MAST4: variants seen among roughly 807,000 people sequenced by gnomAD.
MAST4 encodes microtubule-associated serine/threonine-protein kinase 4.
In MAST4, 89 loss-of-function variants were observed where a neutral mutation model predicts 162.7. That is an observed-to-expected ratio of 0.55 (90% CI 0.46 to 0.65). The LOEUF is 0.65. Among genes scored for constraint, MAST4 ranks in the 30% least tolerant of loss-of-function variants. The probability of loss-of-function intolerance (pLI) is 0.00; values close to 1 mark genes in which losing one functional copy is unlikely to be tolerated. For missense variants in MAST4, 3,153 were observed against 3,374.0 expected, an observed-to-expected ratio of 0.93 and a Z score of 1.62; for synonymous variants, 1,479 against 1,361.1, an observed-to-expected ratio of 1.09 and a Z score of -1.91.
intron 3 of MAST4, among the ~76,000 whole-genome samples, chr5:66,840,578 AG>A (rs1758352041): frequency 6.6e-6 from 1 of 152,138 alleles, no homozygotes; most frequent in Admixed American, 6.6e-5. Flanking sequence ...CATGATAGGC[AG>A]AGCCTGCCCT....
At chr5:66,828,982 G>C in intron 3 of MAST4, 2 of 972,224 alleles carry the variant, frequency 2.1e-6, no homozygotes, top group Non-Finnish European at 3.2e-6. Context: ...ACGAATATGT[G>C]CATAATTCTT....
intron 26 of MAST4, among the ~76,000 whole-genome samples, chr5:67,156,061 GAAA>G (rs535974856): frequency 2.4e-5 from 2 of 83,694 alleles, no homozygotes; most frequent in African/African-American, 4.3e-5. Context: ...TCCGTCTCAA[GAAA>G]AAAAAAAAAA....
At chr5:67,158,895 C>A (rs926736709) in intron 26 of MAST4, among the ~76,000 whole-genome samples, 1 of 152,062 alleles carries the variant, frequency 6.6e-6, no homozygotes, top group Admixed American at 6.6e-5. Flanking sequence ...TTAGCCAGGC[C>A]TGGTTGCACA....
chr5:67,044,216 T>C (rs1246952828), intron 4 of MAST4, among the ~76,000 whole-genome samples: 1 of 152,190 alleles, frequency 6.6e-6, no homozygotes, highest in Non-Finnish European at 1.5e-5. Flanking sequence ...CACTCTTTAA[T>C]GTGTGTCTTT....
intron 1 of MAST4, among the ~76,000 whole-genome samples, chr5:66,658,882 C>T (rs1450581409): frequency 6.6e-6 from 1 of 152,012 alleles, no homozygotes; most frequent in East Asian, 1.9e-4. Context: ...ATTAGCTGGG[C>T]ATGGTGTTGC....
intron 1 of MAST4, among the ~76,000 whole-genome samples, chr5:66,621,042 G>A (rs1050952598): frequency 6.6e-6 from 1 of 152,046 alleles, no homozygotes; most frequent in Non-Finnish European, 1.5e-5. Flanking sequence ...CTGAGCACCA[G>A]CAGCAGTGTC....
intron 3 of MAST4, among the ~76,000 whole-genome samples, chr5:66,887,380 T>C (rs1397650191): frequency 6.6e-6 from 1 of 152,228 alleles, no homozygotes; most frequent in Non-Finnish European, 1.5e-5. Context: ...GATACACTGT[T>C]CCAAAGCTAA....
At chr5:66,645,495 A>G (rs886645655) in intron 1 of MAST4, among the ~76,000 whole-genome samples, 1 of 152,198 alleles carries the variant, frequency 6.6e-6, no homozygotes, top group Non-Finnish European at 1.5e-5. Flanking sequence ...GGGAAGTAGT[A>G]GTGGTGTTAG....
chr5:67,088,682 C>A (rs1763518384), intron 5 of MAST4, among the ~76,000 whole-genome samples: 1 of 152,094 alleles, frequency 6.6e-6, no homozygotes, highest in Non-Finnish European at 1.5e-5. Flanking sequence ...GAATTCATTT[C>A]TCCAGGGGCC....
At chr5:66,871,936 A>G (rs1363962354) in intron 3 of MAST4, among the ~76,000 whole-genome samples, 1 of 152,154 alleles carries the variant, frequency 6.6e-6, no homozygotes, top group Admixed American at 6.5e-5. Flanking sequence ...CTTAAATACC[A>G]CTAGTTTCAT....
intron 5 of MAST4, among the ~76,000 whole-genome samples, chr5:67,069,291 T>G (rs866054978): frequency 7.5e-6 from 1 of 133,326 alleles, no homozygotes; most frequent in African/African-American, 2.8e-5. Flanking sequence ...AGATTGGATA[T>G]ATATATATAT....
rs184135404 is a variant in MAST4, at chr5:66,987,781, A to G, written c.675-66623A>G. 6.4e-4 allele frequency among the ~76,000 whole-genome samples: 97 copies of G among 152,330 alleles called. No individual in the cohort carries two copies. In the East Asian group the frequency reaches 0.015, roughly 24 times the overall value. ...CTGTCCTAGTTTTAGGGATGATTAT[A>G]TAAACTAATGAGCCCCATCCATTAA... On this transcript the variant is annotated intron_variant, in intron 4 of 28. Transcript: ENST00000403625.
chr5:66,887,984 A>C (rs932169285), intron 3 of MAST4, among the ~76,000 whole-genome samples: 1 of 152,088 alleles, frequency 6.6e-6, no homozygotes, highest in Non-Finnish European at 1.5e-5. Flanking sequence ...CGAGGCGGGC[A>C]GATCACAAGG....
At chr5:66,656,544 G>GGAA (rs1216313207) in intron 1 of MAST4, among the ~76,000 whole-genome samples, 1 of 152,158 alleles carries the variant, frequency 6.6e-6, no homozygotes, top group African/African-American at 2.4e-5. Context: ...TTGGGCAAGA[G>GGAA]GAAGCATTGA....
intron 1 of MAST4, among the ~76,000 whole-genome samples, chr5:66,706,515 T>C (rs902020272): frequency 1.3e-5 from 2 of 152,244 alleles, no homozygotes; most frequent in Non-Finnish European, 2.9e-5. Context: ...CAATGAGTAC[T>C]GTCCATGAGT....
intron 4 of MAST4, among the ~76,000 whole-genome samples, chr5:66,909,584 A>G (rs1477686484): frequency 6.6e-6 from 1 of 152,224 alleles, no homozygotes; most frequent in Non-Finnish European, 1.5e-5. Context: ...CTCAGGGAGT[A>G]TATATGTTGA....
At chr5:67,080,977 AATAT>A (rs1244588698) in intron 5 of MAST4, among the ~76,000 whole-genome samples, 5 of 133,318 alleles carry the variant, frequency 3.8e-5, no homozygotes, top group East Asian at 2.2e-4. Flanking sequence ...TATATTATAT[AATAT>A]ATATAATTGT....
chr5:66,878,046 A>G (rs1471571913), intron 3 of MAST4, among the ~76,000 whole-genome samples: 4 of 152,192 alleles, frequency 2.6e-5, no homozygotes, highest in Non-Finnish European at 4.4e-5. Context: ...AAGTGGAAAA[A>G]TCTCTCAATG....
chr5:67,041,187 C>G (rs1017845657), intron 4 of MAST4, among the ~76,000 whole-genome samples: 4 of 152,148 alleles, frequency 2.6e-5, no homozygotes, highest in African/African-American at 9.7e-5. Context: ...GACAGTTGTT[C>G]CAAAGCACTG....
Sources: allele counts gnomAD v4.1 joint callset (sites outside exome capture counted in the v4.1 genomes callset), GRCh38; gene constraint gnomAD v4.1.1; transcripts MANE v1.5; gene names NCBI Gene and HGNC (gene_info 2026-07-23, HGNC 2026-07-21).